Variants in CNKSR2 observed in about 807,000 individuals in gnomAD.
CNKSR2 encodes CNK homolog protein 2.
Under a neutral mutation model 84.4 loss-of-function variants are expected in CNKSR2, and 14 were observed. That is an observed-to-expected ratio of 0.17 (90% CI 0.11 to 0.26). The LOEUF (loss-of-function observed/expected upper bound fraction) is 0.26. CNKSR2 is among the 10% of genes least tolerant of loss of function. The probability of loss-of-function intolerance (pLI) is 1.00; values close to 1 mark genes in which losing one functional copy is unlikely to be tolerated. For missense variants in CNKSR2, 485 were observed against 771.2 expected (o/e 0.63, Z 4.40); for synonymous variants, 275 against 277.9 (o/e 0.99, Z 0.10).
intron 20 of CNKSR2, among the ~76,000 whole-genome samples, chrX:21,628,281 G>T (rs2092632904): frequency 1.8e-5 from 2 of 111,643 alleles, no homozygotes; most frequent in Non-Finnish European, 3.8e-5. Context: ...GCTTTCACAG[G>T]CTGGCATTGA....
At chrX:21,556,573 T>C (rs1215828159) in intron 11 of CNKSR2, among the ~76,000 whole-genome samples, 1 of 110,613 alleles carries the variant, frequency 9.0e-6, no homozygotes, top group Non-Finnish European at 1.9e-5. Flanking sequence ...GGAAAGTGTT[T>C]CAAGGAAGGA....
At chrX:21,645,317 T>G (rs1006363515) in intron 20 of CNKSR2, 4 of 112,194 alleles carry the variant, frequency 3.6e-5, no homozygotes, top group African/African-American at 1.3e-4. Context: ...AAATTTTATA[T>G]GCACTCTTTG....
rs2092414941 is a variant in CNKSR2 at position 21,590,661 on chromosome X, CT to C, written c.1657+44del. The C allele has an allele frequency of 2.6e-6, 3 of 1,147,121 alleles. No individual in the cohort carries two copies. In the African/African-American group the frequency reaches 5.3e-5, roughly 20 times the overall value. 94.5% of individuals were successfully genotyped at this position (1,147,121 alleles called of 1,213,427 possible). On this transcript the variant is annotated intron_variant, in intron 14 of 21. Coordinates refer to ENST00000379510, the MANE Select transcript of CNKSR2 (RefSeq NM_014927.5). ...GAAACCTTTACCTGCTTATTTTGCT[CT>C]TTGATAATCCCCAACACACTTCATC... is the stretch of plus-strand genomic sequence containing the variant.
intron 6 of CNKSR2, chrX:21,493,643 A>G (rs1276934526): frequency 1.8e-5 from 2 of 112,100 alleles, no homozygotes; most frequent in African/African-American, 6.5e-5. Flanking sequence ...CATTTGAATT[A>G]CATGTCCTCC....
intron 1 of CNKSR2, among the ~76,000 whole-genome samples, chrX:21,398,244 ATG>A (rs2090144539): frequency 1.8e-5 from 2 of 112,255 alleles, no homozygotes; most frequent in Admixed American, 9.5e-5. Flanking sequence ...ATTTAACAAA[ATG>A]GAAACAAATA....
chrX:21,416,737 C>T (rs2090427688), intron 1 of CNKSR2, among the ~76,000 whole-genome samples: 1 of 111,462 alleles, frequency 9.0e-6, no homozygotes, highest in Non-Finnish European at 1.9e-5. Context: ...CTCATAGTAG[C>T]CACTAATGAT....
At chrX:21,412,095 T>C (rs2090353073) in intron 1 of CNKSR2, among the ~76,000 whole-genome samples, 1 of 111,956 alleles carries the variant, frequency 8.9e-6, no homozygotes, top group African/African-American at 3.2e-5. Context: ...AGTTATTGAC[T>C]TTGGAACCTA....
chrX:21,462,194 C>A (rs776807667), intron 4 of CNKSR2, among the ~76,000 whole-genome samples: 1 of 111,654 alleles, frequency 9.0e-6, no homozygotes, highest in Non-Finnish European at 1.9e-5. Context: ...TTTTTGGTGG[C>A]TTCTTCCATT....
chrX:21,427,371 C>T (rs1186638657), intron 2 of CNKSR2: 1 of 111,971 alleles, frequency 8.9e-6, no homozygotes, highest in Non-Finnish European at 1.9e-5. Context: ...AGTGGATATA[C>T]ATCAACAAGT....
chrX:21,642,097 C>T, intron 20 of CNKSR2: 1 of 750,230 alleles, frequency 1.3e-6, no homozygotes, highest in Non-Finnish European at 1.6e-6. Flanking sequence ...GTGTATTTTG[C>T]ATTTTTAAAA....
chrX:21,637,702 A>G (rs1228486163), intron 20 of CNKSR2, among the ~76,000 whole-genome samples: 1 of 111,695 alleles, frequency 9.0e-6, no homozygotes, highest in African/African-American at 3.2e-5. Context: ...ACTGTCTCCA[A>G]TACTTACATA....
At chrX:21,543,015 A>G (rs1045382020) in intron 11 of CNKSR2, among the ~76,000 whole-genome samples, 1 of 112,501 alleles carries the variant, frequency 8.9e-6, no homozygotes, top group African/African-American at 3.2e-5. Context: ...ATCAAATACT[A>G]TGTCCTTTTT....
chrX:21,621,508 G>A (rs73453516), intron 20 of CNKSR2, among the ~76,000 whole-genome samples: 4,746 of 110,957 alleles, frequency 0.043, 246 homozygotes, highest in African/African-American at 0.15. Context: ...CACCCTTTCT[G>A]TGTTTTTAAC....
intron 1 of CNKSR2, among the ~76,000 whole-genome samples, chrX:21,386,930 A>T (rs1301826046): frequency 8.9e-6 from 1 of 112,179 alleles, no homozygotes; most frequent in Non-Finnish European, 1.9e-5. Context: ...TTTAAAATTC[A>T]TATGAATTAA....
At chrX:21,424,976 C>G (rs1256954439) in intron 1 of CNKSR2, 2 of 110,521 alleles carry the variant, frequency 1.8e-5, no homozygotes, top group Non-Finnish European at 3.8e-5. Flanking sequence ...TCATCTTACT[C>G]ACAGGCTATA....
chrX:21,577,137 A>T (rs2092324352), intron 13 of CNKSR2, among the ~76,000 whole-genome samples: 1 of 111,829 alleles, frequency 8.9e-6, no homozygotes, highest in Non-Finnish European at 1.9e-5. Flanking sequence ...TTAAAATTTG[A>T]AAACTAAACA....
chrX:21,633,182 G>A (rs1224485044), intron 20 of CNKSR2, among the ~76,000 whole-genome samples: 4 of 111,311 alleles, frequency 3.6e-5, no homozygotes, highest in South Asian at 7.6e-4. Context: ...GAAGTCTTAA[G>A]TGGTGTTGGG....
chrX:21,618,470 T>G (rs1003031557), intron 20 of CNKSR2, among the ~76,000 whole-genome samples: 5 of 112,173 alleles, frequency 4.5e-5, no homozygotes, highest in African/African-American at 1.6e-4. Flanking sequence ...ACTTGAAAAC[T>G]TAGAGCAGCT....
intron 20 of CNKSR2, chrX:21,642,620 C>A (rs1250101563): frequency 1.3e-6 from 1 of 747,314 alleles, no homozygotes; most frequent in Middle Eastern, 7.6e-4. Context: ...TAATTTAACA[C>A]TGTATTTTGA....
Sources: gnomAD v4.1 joint callset for allele counts (sites outside exome capture counted in the v4.1 genomes callset) on GRCh38, gnomAD v4.1.1 for gene constraint, MANE v1.5 for transcripts, NCBI Gene and HGNC (gene_info 2026-07-23, HGNC 2026-07-21) for gene names.